The following ESS2 variants were observed in gnomAD, a reference collection of about 807,000 sequenced individuals.
The protein encoded by ESS2 is ess-2 spliceosome associated protein.
ESS2 carries 31 observed loss-of-function variants against 52.0 expected under a neutral mutation model. The observed-to-expected ratio is 0.60, with a 90% confidence interval of 0.45 to 0.81. ESS2 has a LOEUF of 0.81. ESS2 is among the 30% of genes least tolerant of loss of function. The probability of loss-of-function intolerance (pLI) is 0.00; values close to 1 mark genes in which losing one functional copy is unlikely to be tolerated. For synonymous variants in ESS2, 285 were observed against 259.2 expected (o/e 1.10, Z -0.95); for missense variants, 602 against 637.2 (o/e 0.94, Z 0.59).
Position 19,131,478 on chromosome 22 carries a change from A to C in ESS2, c.*2718T>G, listed in dbSNP as rs745442875. 1.9e-6 allele frequency: 3 copies of C among 1,613,984 alleles called. No individual in the cohort carries two copies. In the African/African-American group the frequency reaches 4.0e-5, roughly 22 times the overall value. Reference sequence around the variant, plus strand: ...TGGCAAGGGTTCCTACGCAAAAGTCAAATCTGCCTACTCTGAGCGCCTCAA... The same window carrying C: ...TGGCAAGGGTTCCTACGCAAAAGTCCAATCTGCCTACTCTGAGCGCCTCAA... On this transcript the variant is annotated 3_prime_UTR_variant, in exon 10 of 10. Transcript: ENST00000252137. This position sits in a 1 kb window ranked among gnomAD's most constrained non-coding sequence, Gnocchi z 5.7.
intron 3 of ESS2, among the ~76,000 whole-genome samples, chr22:19,140,956 A>G (rs2146104398): frequency 6.6e-6 from 1 of 152,234 alleles, no homozygotes; most frequent in East Asian, 1.9e-4. Context: ...GGATTCCTAT[A>G]TTTACTGGCA....
rs377349406 is a variant in ESS2 at position 19,131,902 on chromosome 22, G to A, written c.*2294C>T. 3.0e-5 allele frequency: 48 copies of A among 1,613,918 alleles called. No homozygotes were observed. Among genetic ancestry groups the A allele is most frequent in the South Asian group, 5.5e-5 (5 of 91,076 alleles). On this transcript the variant is annotated 3_prime_UTR_variant, in exon 10 of 10. Transcript: ENST00000252137. This position sits in a 1 kb window ranked among gnomAD's most constrained non-coding sequence, Gnocchi z 5.7. ...CGCTGCCTGCGGGACAGCAATGGGC[G>A]CATCATCCTCAGCAAGACCTTCTGC...
In ESS2 at chr22:19,144,614, C is replaced by A; in HGVS notation, c.27G>T (p.Ser9=). METPGASA[S]SLLLPAASRP... ...TGGACGCGGCGGGAAGCAACAAGGA[C>A]GACGCTGATGCGCCCGGCGTCTCCA... is the stretch of plus-strand genomic sequence containing the variant. The change falls in exon 1 of 10, where the codon TCG becomes TCT. Residue 9 remains serine, a synonymous_variant. Coordinates refer to ENST00000252137, the MANE Select transcript of ESS2 (RefSeq NM_022719.3). 1 of 1,574,066 alleles carries A rather than the reference C, an allele frequency of 6.4e-7. No individual in the cohort carries two copies. Among genetic ancestry groups the A allele is most frequent in the Non-Finnish European group, 8.6e-7 (1 of 1,158,736 alleles).
chr22:19,141,211 A>G (rs2083680605), intron 3 of ESS2, among the ~76,000 whole-genome samples: 1 of 152,194 alleles, frequency 6.6e-6, no homozygotes, highest in South Asian at 2.1e-4. Flanking sequence ...TTCAAGGACA[A>G]CAAGGACTGT....
chr22:19,139,876 C>T lies in ESS2; in HGVS notation c.549G>A (p.Gln183=). 1.2e-6 allele frequency: 2 copies of T among 1,614,154 alleles called. No homozygotes were observed. The highest frequency in any genetic ancestry group is 1.7e-6 in the Non-Finnish European group (2 of 1,180,020). The change falls in exon 4 of 10, where the codon CAG becomes CAA. Residue 183 remains glutamine, a synonymous_variant. Transcript: ENST00000252137. ...ACACCTTCTCAAACTCTTCCTCAGC[C>T]TGGTAGAGCCAAGCGTGGCGTGCCC... The part of the protein sequence containing the change: ...RSRARHAWLY[Q]AEEEFEKRQK...
intron 1 of ESS2, among the ~76,000 whole-genome samples, chr22:19,143,830 A>C (rs2083737274): frequency 6.6e-6 from 1 of 152,246 alleles, no homozygotes; most frequent in African/African-American, 2.4e-5. Flanking sequence ...ACTGCACTCC[A>C]GCCTGGACGA....
Position 19,138,217 on chromosome 22 carries a change from G to A in ESS2, c.923C>T (p.Pro308Leu). 1 of 1,614,018 alleles carries A rather than the reference G, an allele frequency of 6.2e-7. No individual in the cohort carries two copies. Among genetic ancestry groups the A allele is most frequent in the Non-Finnish European group, 8.5e-7 (1 of 1,179,972 alleles). ...TTGCCAGTGGGCACTTTTCTCACCA[G>A]GGGCAGGGGAAGGAGTGGCAACAAA... The part of the protein sequence containing the change: ...FGFVATPSPA[P>L]GVNESPMMTW... The change falls in exon 7 of 10, where the codon CCT (proline) becomes CTT (leucine). Residue 308 changes from proline to leucine, a missense_variant and splice_region_variant. Coordinates refer to ENST00000252137, the MANE Select transcript of ESS2 (RefSeq NM_022719.3).
chr22:19,137,249 C>T, intron 8 of ESS2, 74 bp downstream of exon 8: 1 of 1,149,210 alleles, frequency 8.7e-7, no homozygotes, highest in Non-Finnish European at 1.3e-6. Flanking sequence ...GTGCTCAGTC[C>T]TGAGCCACAG....
chr22:19,139,484 G>A, intron 5 of ESS2, 128 bp downstream of exon 5: 1 of 1,230,304 alleles, frequency 8.1e-7, no homozygotes, highest in Middle Eastern at 1.9e-4. Context: ...AGACAGACCA[G>A]TACCCATCAG....
intron 1 of ESS2, chr22:19,144,145 G>T: frequency 1.9e-6 from 2 of 1,057,730 alleles, no homozygotes; most frequent in South Asian, 3.3e-5. Context: ...TCACAACTGC[G>T]GTCTCTTTCC....
At chr22:19,141,158 T>C (rs570665758) in intron 3 of ESS2, among the ~76,000 whole-genome samples, 2 of 151,020 alleles carry the variant, frequency 1.3e-5, no homozygotes, top group East Asian at 1.9e-4. Context: ...AATCTACAAA[T>C]TGCCCTGTGA....
At chr22:19,140,872 G>A (rs973950828) in intron 3 of ESS2, among the ~76,000 whole-genome samples, 121 of 152,358 alleles carry the variant, frequency 7.9e-4, no homozygotes, top group African/African-American at 2.7e-3. Context: ...ACCTGCAGAA[G>A]TGACTGCCTT....
rs2083549146 is a variant in ESS2, at chr22:19,134,604, C to A, written c.1152-129G>T. 4 of 1,037,338 alleles carry A rather than the reference C, an allele frequency of 3.9e-6. No individual in the cohort carries two copies. The East Asian group carries it at 1.2e-4, about 30-fold the overall frequency. The allele number at this position is 1,037,338 out of a possible 1,614,324, so 64.3% of individuals were successfully genotyped here. Reference sequence around the variant, plus strand: ...TCACTCTGAGCTGAGGAGGATGGTACTGCCAGCATGGCAGCAAATGCGGGG... The same window carrying A: ...TCACTCTGAGCTGAGGAGGATGGTAATGCCAGCATGGCAGCAAATGCGGGG... On this transcript the variant is annotated intron_variant, in intron 9 of 9. Coordinates refer to ENST00000252137, the MANE Select transcript of ESS2 (RefSeq NM_022719.3).
Position 19,132,561 on chromosome 22 carries a change from GT to G in ESS2, c.*1634del. 1.5e-6 allele frequency: 2 copies of G among 1,374,426 alleles called. No individual in the cohort carries two copies. Among genetic ancestry groups the G allele is most frequent in the East Asian group, 2.3e-5 (1 of 43,254 alleles). 85.1% of individuals were successfully genotyped at this position (1,374,426 alleles called of 1,614,324 possible). On this transcript the variant is annotated 3_prime_UTR_variant, in exon 10 of 10. Coordinates refer to ENST00000252137, the MANE Select transcript of ESS2 (RefSeq NM_022719.3). The surrounding 1 kb of genome is among the most constrained non-coding windows in gnomAD (Gnocchi z 4.2). ...GCCTTCACGTAAACTAAGTAGGCAG[GT>G]AGGATCTGAAGAAGGCACAGGTGCA...
chr22:19,132,289 G>A lies in ESS2; in HGVS notation c.*1907C>T, dbSNP rs1472953315. 1.2e-6 allele frequency: 2 copies of A among 1,613,404 alleles called. No individual in the cohort carries two copies. The highest frequency in any genetic ancestry group is 2.2e-5 in the East Asian group (1 of 44,884). On this transcript the variant is annotated 3_prime_UTR_variant, in exon 10 of 10. Transcript: ENST00000252137. This position sits in a 1 kb window ranked among gnomAD's most constrained non-coding sequence, Gnocchi z 4.2. ...GGGGAGGGCAAGTACCGCGCTGAGT[G>A]CAAACTGGACACCAAGACAGGCTTG... is the stretch of plus-strand genomic sequence containing the variant.
intron 3 of ESS2, among the ~76,000 whole-genome samples, chr22:19,140,270 T>C (rs1192232066): frequency 1.3e-5 from 2 of 152,168 alleles, no homozygotes; most frequent in Non-Finnish European, 2.9e-5. Context: ...GCTCATGTGC[T>C]GGATGCCAAG....
At position 19,144,068 on chromosome 22, in the gene ESS2, C is replaced by T. The variant is rs1377198735; in HGVS notation, c.135+438G>A. The T allele has an allele frequency of 5.0e-6, 5 of 1,000,030 alleles. No homozygotes were observed. In the Admixed American group the frequency reaches 2.9e-4, roughly 57 times the overall value. 61.9% of individuals were successfully genotyped at this position (1,000,030 alleles called of 1,614,324 possible). A position where few individuals can be genotyped will look rare whatever the true frequency, so the allele number is the denominator to read the frequency against. On this transcript the variant is annotated intron_variant, in intron 1 of 9. Transcript: ENST00000252137. ...AAAACCAAACTGACTTCCGCCAATCCCCGTTTCAGCTCCTCCTTCTGTGTG... is the reference window on the plus strand; with the variant it reads ...AAAACCAAACTGACTTCCGCCAATCTCCGTTTCAGCTCCTCCTTCTGTGTG...
chr22:19,143,467 G>T (rs551504353), intron 1 of ESS2, among the ~76,000 whole-genome samples: 1 of 152,280 alleles, frequency 6.6e-6, no homozygotes, highest in South Asian at 2.1e-4. Flanking sequence ...CTTGCTAACT[G>T]GTCATTCTCA....
rs2083514391 is a variant in ESS2, at chr22:19,132,104, C to T, written c.*2092G>A. 2 of 1,613,054 alleles carry T rather than the reference C, an allele frequency of 1.2e-6. No homozygotes were observed. Among genetic ancestry groups the T allele is most frequent in the Non-Finnish European group, 1.7e-6 (2 of 1,179,180 alleles). ...TCCAGAAGGAGCACCGTGTGGACTT[C>T]CCGCGCTCCAAGAACCTGACCTGCG... is the stretch of plus-strand genomic sequence containing the variant. On this transcript the variant is annotated 3_prime_UTR_variant, in exon 10 of 10. Coordinates refer to ENST00000252137, the MANE Select transcript of ESS2 (RefSeq NM_022719.3). This position sits in a 1 kb window ranked among gnomAD's most constrained non-coding sequence, Gnocchi z 4.2.
Sources: gnomAD v4.1 joint callset for allele counts (sites outside exome capture counted in the v4.1 genomes callset) on GRCh38, gnomAD v4.1.1 for gene constraint, Gnocchi (gnomAD v3.1) non-coding constraint, MANE v1.5 for transcripts, NCBI Gene and HGNC (gene_info 2026-07-23, HGNC 2026-07-21) for gene names.